The following ARB2A variants were observed in gnomAD, a reference collection of about 807,000 sequenced individuals.
ARB2A encodes the protein ARB2 cotranscriptional regulator A.
At chr5:94,109,018 C>T in the ARB2A span, among the ~76,000 whole-genome samples, 15 of 152,280 alleles carry the variant, frequency 9.9e-5, no homozygotes, top group African/African-American at 3.1e-4. Flanking sequence ...AGGATGGAAA[C>T]AACCCAAGCA....
the ARB2A span, among the ~76,000 whole-genome samples, chr5:94,079,391 T>C: frequency 6.6e-6 from 1 of 152,128 alleles, no homozygotes; most frequent in Non-Finnish European, 1.5e-5. Context: ...GCCACAACTG[T>C]CAGGGGTAGG....
chr5:93,870,330 C>T, the ARB2A span, among the ~76,000 whole-genome samples: 3 of 152,238 alleles, frequency 2.0e-5, no homozygotes, highest in African/African-American at 7.2e-5. Flanking sequence ...GCAGTCCTAC[C>T]CGATTCGATT....
the ARB2A span, among the ~76,000 whole-genome samples, chr5:93,882,912 T>A: frequency 8.0e-4 from 121 of 151,714 alleles, no homozygotes; most frequent in African/African-American, 2.7e-3. Context: ...AGACAGTAAC[T>A]GTAGAATCTT....
chr5:93,682,741 T>C, the ARB2A span: 6 of 723,668 alleles, frequency 8.3e-6, no homozygotes, highest in Non-Finnish European at 1.2e-5. Context: ...TAGAGAAAGT[T>C]CTCACTCTGC....
At chr5:93,971,528 T>A in the ARB2A span, among the ~76,000 whole-genome samples, 1 of 150,144 alleles carries the variant, frequency 6.7e-6, no homozygotes, top group Non-Finnish European at 1.5e-5. Context: ...AATAGCGCCA[T>A]TGCACTCCAG....
the ARB2A span, among the ~76,000 whole-genome samples, chr5:93,814,518 T>C: frequency 1.3e-5 from 2 of 152,234 alleles, no homozygotes; most frequent in African/African-American, 2.4e-5. Flanking sequence ...TCAGTTCATC[T>C]ATACAAATGG....
the ARB2A span, chr5:93,618,670 G>C: frequency 6.6e-6 from 1 of 152,168 alleles, no homozygotes; most frequent in African/African-American, 2.4e-5. Context: ...GTCTGGAATA[G>C]TTTGCCTAGC....
the ARB2A span, among the ~76,000 whole-genome samples, chr5:94,093,259 A>G: frequency 6.6e-6 from 1 of 152,174 alleles, no homozygotes; most frequent in Non-Finnish European, 1.5e-5. Flanking sequence ...AACAACAACA[A>G]AAAAGACTAG....
chr5:94,035,256 T>TATACAA, the ARB2A span, among the ~76,000 whole-genome samples: 1 of 151,320 alleles, frequency 6.6e-6, no homozygotes, highest in Admixed American at 6.6e-5. Flanking sequence ...TACATATACA[T>TATACAA]CACTATATGT....
At chr5:93,674,446 C>T in the ARB2A span, among the ~76,000 whole-genome samples, 1 of 152,202 alleles carries the variant, frequency 6.6e-6, no homozygotes, top group Non-Finnish European at 1.5e-5. Flanking sequence ...GAACAAGCTA[C>T]AACCAGGCAC....
At chr5:93,767,007 G>A in the ARB2A span, among the ~76,000 whole-genome samples, 5 of 149,842 alleles carry the variant, frequency 3.3e-5, no homozygotes, top group Admixed American at 2.7e-4. Context: ...CATGGACACA[G>A]GAAGGGGAAC....
the ARB2A span, among the ~76,000 whole-genome samples, chr5:94,055,083 A>G: frequency 6.6e-6 from 1 of 152,170 alleles, no homozygotes; most frequent in Non-Finnish European, 1.5e-5. Flanking sequence ...TTAGGTTCAT[A>G]TTGTAGGATG....
the ARB2A span, chr5:93,736,978 G>T: frequency 6.6e-6 from 1 of 151,994 alleles, no homozygotes; most frequent in Non-Finnish European, 1.5e-5. Context: ...AAAAAGAAAG[G>T]GTATCCAAAT....
chr5:93,740,393 T>A, the ARB2A span: 1 of 615,008 alleles, frequency 1.6e-6, no homozygotes, highest in South Asian at 3.0e-5. Flanking sequence ...ATAAACTTCA[T>A]CTTCTCTCCC....
chr5:93,924,347 T>C, the ARB2A span, among the ~76,000 whole-genome samples: 2 of 152,198 alleles, frequency 1.3e-5, no homozygotes, highest in Non-Finnish European at 1.5e-5. Context: ...AAGTTTTAAC[T>C]ACCATATGCC....
the ARB2A span, among the ~76,000 whole-genome samples, chr5:94,093,067 C>T: frequency 6.6e-6 from 1 of 152,004 alleles, no homozygotes; most frequent in East Asian, 1.9e-4. Flanking sequence ...TTCATCTTTC[C>T]TTCTACTTTT....
At chr5:93,771,519 A>G in the ARB2A span, among the ~76,000 whole-genome samples, 2 of 152,060 alleles carry the variant, frequency 1.3e-5, no homozygotes, top group African/African-American at 4.8e-5. Context: ...TGAACAGGCA[A>G]CCTACAAAAT....
chr5:93,795,270 C>T, the ARB2A span, among the ~76,000 whole-genome samples: 5 of 152,178 alleles, frequency 3.3e-5, no homozygotes, highest in South Asian at 2.1e-4. Context: ...CGCTCCCATG[C>T]GGCCCACAGT....
At chr5:93,899,688 A>C in the ARB2A span, among the ~76,000 whole-genome samples, 28 of 152,166 alleles carry the variant, frequency 1.8e-4, no homozygotes, top group Non-Finnish European at 3.4e-4. Flanking sequence ...CATGGATTAA[A>C]CTATGTCCCT....
Sources: allele counts gnomAD v4.1 joint callset (sites outside exome capture counted in the v4.1 genomes callset), GRCh38; gene constraint gnomAD v4.1.1; transcripts MANE v1.5; gene names NCBI Gene and HGNC (gene_info 2026-07-23, HGNC 2026-07-21).